ZBTB47: variants seen among roughly 807,000 people sequenced by gnomAD.
ZBTB47 encodes zinc finger and BTB domain-containing protein 47.
A neutral mutation model predicts 56.6 loss-of-function variants in ZBTB47; 24 were observed. That is an observed-to-expected ratio of 0.42 (90% CI 0.31 to 0.60). The LOEUF is 0.60. Ranked by LOEUF, ZBTB47 falls within the 20% of genes least tolerant of loss-of-function variation. The pLI is 0.14. For missense variants in ZBTB47, 829 were observed against 1,032.6 expected, an observed-to-expected ratio of 0.80 and a Z score of 2.70; for synonymous variants, 414 against 418.9, an observed-to-expected ratio of 0.99 and a Z score of 0.14.
rs1710740141 is a variant in ZBTB47 at position 42,663,013 on chromosome 3, C to T, written c.1623C>T (p.Ala541=). 5.0e-6 allele frequency: 8 copies of T among 1,612,594 alleles called. No homozygotes were observed. Among genetic ancestry groups the T allele is most frequent in the East Asian group, 2.2e-5 (1 of 44,852 alleles). ...ATGGCCCTGGTGCCCACCTCGTAGCCCACACCAAGGACATGCCCTTCACCT... is the reference window on the plus strand; with the variant it reads ...ATGGCCCTGGTGCCCACCTCGTAGCTCACACCAAGGACATGCCCTTCACCT... ...TMAHVRKHMV[A]HTKDMPFTCE... is the part of the protein sequence containing the mutation. Residue 541 remains alanine (A), a splice_region_variant and synonymous_variant, in exon 4 of 6, where the codon GCC becomes GCT. Coordinates refer to ENST00000232974, the MANE Select transcript of ZBTB47 (RefSeq NM_145166.4). This position sits in a 1 kb window ranked among gnomAD's most constrained non-coding sequence, Gnocchi z 5.1.
In ZBTB47 at chr3:42,663,509, G is replaced by C. The variant is rs1405098162; in HGVS notation, c.1738-288G>C. 6.6e-6 allele frequency among the ~76,000 whole-genome samples: 1 copy of C among 152,056 alleles called. No homozygotes were observed. Among genetic ancestry groups the C allele is most frequent in the Non-Finnish European group, 1.5e-5 (1 of 68,006 alleles). The stretch of plus-strand genomic sequence containing the variant: ...GGGCTGGGCGTCTGATCAGGAGGAA[G>C]GATGAGGGACCTCGTGCCTTAAGCA... On this transcript the variant is annotated intron_variant, in intron 4 of 5. Transcript: ENST00000232974. This position sits in a 1 kb window ranked among gnomAD's most constrained non-coding sequence, Gnocchi z 5.1.
At chr3:42,661,236 C>T (rs1710713387) in intron 2 of ZBTB47, among the ~76,000 whole-genome samples, 1 of 152,154 alleles carries the variant, frequency 6.6e-6, no homozygotes, top group African/African-American at 2.4e-5. Flanking sequence ...TGGGGAATTT[C>T]CTGGAAGAGG....
rs1230975731 is a variant in ZBTB47, at chr3:42,656,278, C to T, written c.-81-1997C>T. Among the ~76,000 whole-genome samples the T allele has an allele frequency of 2.0e-5, 3 of 152,132 alleles. No homozygotes were observed. The highest frequency in any genetic ancestry group is 2.9e-5 in the Non-Finnish European group (2 of 68,028). On this transcript the variant is annotated intron_variant, in intron 1 of 5. Coordinates refer to ENST00000232974, the MANE Select transcript of ZBTB47 (RefSeq NM_145166.4). The surrounding 1 kb of genome is among the most constrained non-coding windows in gnomAD (Gnocchi z 5.8). ...TGGTCTCCAGGTGGCGGGATGTTCT[C>T]GCTTTTTAAGTCATTAAAGGCTCAG...
rs1255053569 is a variant in ZBTB47, at chr3:42,666,125, A to T, written c.*1527A>T. Among the ~76,000 whole-genome samples, 1 of 152,208 alleles carries T rather than the reference A, an allele frequency of 6.6e-6. No individual in the cohort carries two copies. Among genetic ancestry groups the T allele is most frequent in the African/African-American group, 2.4e-5 (1 of 41,442 alleles). On this transcript the variant is annotated 3_prime_UTR_variant, in exon 6 of 6. Transcript: ENST00000232974. The stretch of plus-strand genomic sequence containing the variant: ...GCAGGGAGCTGGGGACATTTTAATC[A>T]TCAATAAACGAAGCACTTTATTCTG...
In ZBTB47 at chr3:42,656,029, G is replaced by C. The variant is rs1201110148; in HGVS notation, c.-82+2146G>C. Among the ~76,000 whole-genome samples, 1 of 152,244 alleles carries C rather than the reference G, an allele frequency of 6.6e-6. No individual in the cohort carries two copies. The highest frequency in any genetic ancestry group is 1.5e-5 in the Non-Finnish European group (1 of 68,048). On this transcript the variant is annotated intron_variant, in intron 1 of 5. Coordinates refer to ENST00000232974, the MANE Select transcript of ZBTB47 (RefSeq NM_145166.4). The surrounding 1 kb of genome is among the most constrained non-coding windows in gnomAD (Gnocchi z 5.8). ...GCATTCCATAAAGGGAGAGCAGAGA[G>C]ATCTGGGGCTCTGTTGCCTGGGGTG...
chr3:42,663,974 C>G lies in ZBTB47; in HGVS notation c.1882+33C>G, dbSNP rs1356626306. ...TGCCCCTGGGGACGGAGCTCGGTGCCGGGCCTGGGACCCCTTCTCAGCCCC... is the reference window on the plus strand; with the variant it reads ...TGCCCCTGGGGACGGAGCTCGGTGCGGGGCCTGGGACCCCTTCTCAGCCCC... On this transcript the variant is annotated intron_variant, in intron 5 of 5. Coordinates refer to ENST00000232974, the MANE Select transcript of ZBTB47 (RefSeq NM_145166.4). This position sits in a 1 kb window ranked among gnomAD's most constrained non-coding sequence, Gnocchi z 5.1. The G allele has an allele frequency of 6.3e-7, 1 of 1,589,584 alleles. No individual in the cohort carries two copies. The highest frequency in any genetic ancestry group is 2.3e-5 in the East Asian group (1 of 43,796).
Position 42,664,335 on chromosome 3 carries a change from C to G in ZBTB47, c.1981C>G (p.Pro661Ala). ...RRTHTGEKPY[P>A]CDVCGQRFRF... ...CACGCACACGGGCGAGAAGCCGTACCCGTGCGACGTGTGTGGCCAGCGCTT... is the reference window on the plus strand; with the variant it reads ...CACGCACACGGGCGAGAAGCCGTACGCGTGCGACGTGTGTGGCCAGCGCTT... The change falls in exon 6 of 6, where the codon CCG becomes GCG. Residue 661 changes from proline to alanine, a missense_variant. Pro to Ala is a conservative substitution (Grantham distance 27). Coordinates refer to ENST00000232974, the MANE Select transcript of ZBTB47 (RefSeq NM_145166.4). The G allele has an allele frequency of 1.2e-6, 2 of 1,613,246 alleles. No homozygotes were observed. The highest frequency in any genetic ancestry group is 1.7e-6 in the Non-Finnish European group (2 of 1,179,720).
In ZBTB47 at chr3:42,656,566, A is replaced by G. The variant is rs189610388; in HGVS notation, c.-81-1709A>G. ...GCTTCTTGGCTGGGGTAAGGGGTGTAGTGGAGAACTCAAGGAAGATGGTAG... is the reference window on the plus strand; with the variant it reads ...GCTTCTTGGCTGGGGTAAGGGGTGTGGTGGAGAACTCAAGGAAGATGGTAG... On this transcript the variant is annotated intron_variant, in intron 1 of 5. Coordinates refer to ENST00000232974, the MANE Select transcript of ZBTB47 (RefSeq NM_145166.4). This position sits in a 1 kb window ranked among gnomAD's most constrained non-coding sequence, Gnocchi z 5.8. Among the ~76,000 whole-genome samples, 116 of 152,204 alleles carry G rather than the reference A, an allele frequency of 7.6e-4. No homozygotes were observed. Among genetic ancestry groups the G allele is most frequent in the Non-Finnish European group, 7.8e-4 (53 of 67,992 alleles).
At position 42,659,492 on chromosome 3, in the gene ZBTB47, A is replaced by C. The variant is rs763717148; in HGVS notation, c.1137A>C (p.Thr379=). Residue 379 remains threonine (T), a synonymous_variant, in exon 2 of 6, where the codon ACA becomes ACC. Transcript: ENST00000232974. ...CCCCTCCCCACAGTCACATGGCCAC[A>C]CGGTCCCGGGAGAACGCCCGGCGCC... is the stretch of plus-strand genomic sequence containing the variant. ...ADPPPHSHMA[T]RSRENARRRG... is the part of the protein sequence containing the mutation. 4.6e-6 allele frequency: 7 copies of C among 1,530,562 alleles called. No homozygotes were observed. The highest frequency in any genetic ancestry group is 6.1e-6 in the Non-Finnish European group (7 of 1,142,304). The allele number at this position is 1,530,562 out of a possible 1,614,324, so 94.8% of individuals were successfully genotyped here.
chr3:42,661,996 C>T (rs1710727775), intron 3 of ZBTB47, among the ~76,000 whole-genome samples: 1 of 152,262 alleles, frequency 6.6e-6, no homozygotes, highest in Admixed American at 6.5e-5. Flanking sequence ...TGGGCTGGTA[C>T]AGGCCCTGTG....
Position 42,659,458 on chromosome 3 carries a change from G to C in ZBTB47, c.1103G>C (p.Arg368Pro), listed in dbSNP as rs774749693. 2 of 1,507,320 alleles carry C rather than the reference G, an allele frequency of 1.3e-6. No homozygotes were observed. The highest frequency in any genetic ancestry group is 1.8e-6 in the Non-Finnish European group (2 of 1,134,368). The allele number at this position is 1,507,320 out of a possible 1,614,324, so 93.4% of individuals were successfully genotyped here. A position where few individuals can be genotyped will look rare whatever the true frequency, so the allele number is the denominator to read the frequency against. ...GGGCCACGGGGAAGCCGAAGCAGCC[G>C]GGCAGACCCCCCTCCCCACAGTCAC... ...KQGPRGSRSS[R>P]ADPPPHSHMA... Residue 368 changes from arginine to proline, a missense_variant, in exon 2 of 6, where the codon CGG (arginine) becomes CCG (proline). By Grantham distance (103) the Arg-to-Pro change is moderately radical (BLOSUM62 -2). Transcript: ENST00000232974.
chr3:42,659,832 G>C lies in ZBTB47; in HGVS notation c.1473+4G>C. Reference sequence around the variant, plus strand: ...AGACTGCGAGCGCAACATCCAGGTGGGCCTCACGTGGCTGGGGGCAGGGCA... The same window carrying C: ...AGACTGCGAGCGCAACATCCAGGTGCGCCTCACGTGGCTGGGGGCAGGGCA... On this transcript the variant is annotated splice_donor_region_variant and intron_variant, in intron 2 of 5. Transcript: ENST00000232974. 6.3e-7 allele frequency: 1 copy of C among 1,592,918 alleles called. No homozygotes were observed. The highest frequency in any genetic ancestry group is 1.1e-5 in the South Asian group (1 of 87,616).
At chr3:42,657,840 C>T (rs1045024357) in intron 1 of ZBTB47, among the ~76,000 whole-genome samples, 10 of 152,136 alleles carry the variant, frequency 6.6e-5, no homozygotes, top group African/African-American at 2.4e-4. Context: ...GCCTGTGGCC[C>T]TCCTGGGGTG....
rs144323491 is a variant in ZBTB47, at chr3:42,659,345, G to C, written c.990G>C (p.Glu330Asp). ...ACAGTGAGCAGGAAGAGGAAGAGGA[G>C]GAGGAAGAGGAGGAAGGGCCTAGTG... ...DGHSEQEEEE[E>D]EEEEEGPSEQ... Residue 330 changes from glutamate (E) to aspartate (D), a missense_variant, in exon 2 of 6, where the codon GAG becomes GAC. Transcript: ENST00000232974. The C allele has an allele frequency of 6.9e-7, 1 of 1,448,814 alleles. No homozygotes were observed. The highest frequency in any genetic ancestry group is 2.0e-5 in the Admixed American group (1 of 48,844). The allele number at this position is 1,448,814 out of a possible 1,614,324, so 89.7% of individuals were successfully genotyped here.
chr3:42,657,415 G>A (rs1172167783), intron 1 of ZBTB47, among the ~76,000 whole-genome samples: 3 of 152,224 alleles, frequency 2.0e-5, no homozygotes, highest in East Asian at 1.9e-4. Flanking sequence ...TGCAAGCATG[G>A]TAGGCAGGTT....
chr3:42,660,952 C>G (rs1710708805), intron 2 of ZBTB47, among the ~76,000 whole-genome samples: 1 of 152,166 alleles, frequency 6.6e-6, no homozygotes, highest in Admixed American at 6.5e-5. Context: ...CCCCAAGATC[C>G]CCCACCACTC....
chr3:42,663,750 G>T lies in ZBTB47; in HGVS notation c.1738-47G>T. 6.2e-7 allele frequency: 1 copy of T among 1,600,444 alleles called. No individual in the cohort carries two copies. The highest frequency in any genetic ancestry group is 8.5e-7 in the Non-Finnish European group (1 of 1,169,680). Reference sequence around the variant, plus strand: ...GGGAGCTGTTCCCTCCACAAAGGCTGCTCTTCTGCTCTGTGCCTGGGCCTC... The same window carrying T: ...GGGAGCTGTTCCCTCCACAAAGGCTTCTCTTCTGCTCTGTGCCTGGGCCTC... On this transcript the variant is annotated intron_variant, in intron 4 of 5. Coordinates refer to ENST00000232974, the MANE Select transcript of ZBTB47 (RefSeq NM_145166.4). The surrounding 1 kb of genome is among the most constrained non-coding windows in gnomAD (Gnocchi z 5.1).
chr3:42,664,732 C>T lies in ZBTB47; in HGVS notation c.*134C>T. On this transcript the variant is annotated 3_prime_UTR_variant, in exon 6 of 6. Transcript: ENST00000232974. ...CACCTCCAGAAGTGGCTGGATGTACCCTGCCTGAGGCCCCGACGAGGAGGG... is the reference window on the plus strand; with the variant it reads ...CACCTCCAGAAGTGGCTGGATGTACTCTGCCTGAGGCCCCGACGAGGAGGG... The T allele has an allele frequency of 1.8e-6, 2 of 1,114,054 alleles. No homozygotes were observed. The highest frequency in any genetic ancestry group is 5.8e-5 in the South Asian group (2 of 34,330). The allele number at this position is 1,114,054 out of a possible 1,614,324, so 69.0% of individuals were successfully genotyped here.
chr3:42,658,475 G>A lies in ZBTB47; in HGVS notation c.120G>A (p.Gln40=). The change falls in exon 2 of 6, where the codon CAG becomes CAA. Residue 40 remains glutamine, a synonymous_variant. Coordinates refer to ENST00000232974, the MANE Select transcript of ZBTB47 (RefSeq NM_145166.4). The part of the protein sequence containing the change: ...AHKGVLAAYS[Q]FFHSLFTQNK... The stretch of plus-strand genomic sequence containing the variant: ...AGGGTGTGCTAGCCGCCTACAGCCA[G>A]TTCTTCCACTCACTCTTCACCCAGA... 3.3e-6 allele frequency: 5 copies of A among 1,537,162 alleles called. No individual in the cohort carries two copies. The highest frequency in any genetic ancestry group is 2.4e-5 in the East Asian group (1 of 40,902).
Sources: gnomAD v4.1 joint callset for allele counts (sites outside exome capture counted in the v4.1 genomes callset) on GRCh38, gnomAD v4.1.1 for gene constraint, Gnocchi (gnomAD v3.1) non-coding constraint, MANE v1.5 for transcripts, NCBI Gene and HGNC (gene_info 2026-07-23, HGNC 2026-07-21) for gene names.